The following BRWD3 variants were observed in gnomAD, a reference collection of about 807,000 sequenced individuals.
BRWD3 encodes the protein bromodomain and WD repeat-containing protein 3.
A neutral mutation model predicts 149.7 loss-of-function variants in BRWD3; 10 were observed. That is an observed-to-expected ratio of 0.07 (90% CI 0.04 to 0.11). The LOEUF (loss-of-function observed/expected upper bound fraction) is 0.11. BRWD3 is among the 10% of genes least tolerant of loss of function. The pLI is 1.00. For missense variants in BRWD3, 940 were observed against 1,373.2 expected (o/e 0.68, Z 4.99); for synonymous variants, 504 against 456.7 (o/e 1.10, Z -1.32).
intron 18 of BRWD3, 60 bp from the exon 19 acceptor site, chrX:80,717,819 A>G (rs1428663614): frequency 1.1e-5 from 11 of 1,023,020 alleles, no homozygotes; most frequent in Non-Finnish European, 1.4e-6. Context: ...GTTTTCCAGA[A>G]CAGAGCTCTA....
intron 5 of BRWD3, among the ~76,000 whole-genome samples, chrX:80,793,385 T>C (rs1185990706): frequency 1.0e-4 from 11 of 110,399 alleles, no homozygotes; most frequent in African/African-American, 3.6e-4. Flanking sequence ...TTGAGATCTC[T>C]ATTCCATGAT....
At position 80,722,833 on chromosome X, in the gene BRWD3, A is replaced by T. The variant is rs148170741; in HGVS notation, c.1651-46T>A. 3.2e-3 allele frequency: 3,342 copies of T among 1,050,246 alleles called. 67 individuals carry two copies. In the East Asian group the frequency reaches 0.056, roughly 18 times the overall value. 86.6% of individuals were successfully genotyped at this position (1,050,246 alleles called of 1,213,427 possible). ...GGGTTAACATACACAGGGAATTTATAAGTAAATACTTGTTTTCATTCCTTG... is the reference window on the plus strand; with the variant it reads ...GGGTTAACATACACAGGGAATTTATTAGTAAATACTTGTTTTCATTCCTTG... On this transcript the variant is annotated intron_variant, in intron 16 of 40. Coordinates refer to ENST00000373275, the MANE Select transcript of BRWD3 (RefSeq NM_153252.5).
Position 80,726,168 on chromosome X carries a change from TTA to T in BRWD3, c.1387-1103_1387-1102del, listed in dbSNP as rs1404010183. 4.4e-3 allele frequency among the ~76,000 whole-genome samples: 466 copies of T among 106,502 alleles called. 3 individuals carry two copies. The highest frequency in any genetic ancestry group is 0.015 in the African/African-American group (444 of 29,915). The allele number at this position is 106,502 out of a possible 115,157, so 92.5% of individuals were successfully genotyped here. ...GTATAACATATAACACGTTTACATG[TTA>T]TATGTCTGTATAACATATAACACGT... On this transcript the variant is annotated intron_variant, in intron 14 of 40. Coordinates refer to ENST00000373275, the MANE Select transcript of BRWD3 (RefSeq NM_153252.5).
intron 4 of BRWD3, among the ~76,000 whole-genome samples, chrX:80,805,085 A>T (rs1029331960): frequency 1.8e-5 from 2 of 111,931 alleles, no homozygotes; most frequent in African/African-American, 6.5e-5. Flanking sequence ...CAGCTTTAAT[A>T]AAAAAGCACC....
intron 20 of BRWD3, among the ~76,000 whole-genome samples, chrX:80,711,859 G>A (rs973676689): frequency 9.0e-5 from 10 of 111,609 alleles, no homozygotes; most frequent in Non-Finnish European, 1.9e-4. Context: ...TACATGTACT[G>A]ATTGATGTCT....
chrX:80,749,026 T>C (rs1050530601), intron 6 of BRWD3, among the ~76,000 whole-genome samples: 1 of 111,818 alleles, frequency 8.9e-6, no homozygotes, highest in Non-Finnish European at 1.9e-5. Context: ...TTACTCCTGT[T>C]ATTTTTAGTC....
At chrX:80,743,295 T>C (rs2073544220) in intron 8 of BRWD3, among the ~76,000 whole-genome samples, 1 of 111,938 alleles carries the variant, frequency 8.9e-6, no homozygotes, top group African/African-American at 3.2e-5. Flanking sequence ...GGATTTGGTT[T>C]GCCAGTATTT....
chrX:80,706,110 A>AT (rs1206812413), intron 22 of BRWD3, among the ~76,000 whole-genome samples: 38 of 105,941 alleles, frequency 3.6e-4, no homozygotes, highest in Non-Finnish European at 5.5e-4. Context: ...GTACAGCCGT[A>AT]TTTTTTTTTT....
At chrX:80,780,974 C>T (rs936433680) in intron 6 of BRWD3, among the ~76,000 whole-genome samples, 3 of 111,700 alleles carry the variant, frequency 2.7e-5, no homozygotes, top group South Asian at 3.7e-4. Flanking sequence ...TGACATATAA[C>T]GACACAATGG....
chrX:80,722,465 C>T, intron 17 of BRWD3, 97 bp downstream of exon 17: 3 of 800,834 alleles, frequency 3.7e-6, no homozygotes, highest in Non-Finnish European at 5.6e-6. Context: ...TTATAACCTA[C>T]TCCAGAGTTT....
chrX:80,670,583 T>TA lies in BRWD3; in HGVS notation c.*6025dup, dbSNP rs201004001. ...GCACACACAACCATGCCCAGCTAAT[T>TA]AAAAAAAAAATTGTTTTGTAGATAC... On this transcript the variant is annotated 3_prime_UTR_variant, in exon 41 of 41. Coordinates refer to ENST00000373275, the MANE Select transcript of BRWD3 (RefSeq NM_153252.5). Among the ~76,000 whole-genome samples the TA allele has an allele frequency of 0.017, 1,851 of 107,242 alleles. 21 individuals are homozygous for TA. The highest frequency in any genetic ancestry group is 0.028 in the Non-Finnish European group (1,426 of 51,688). 93.1% of individuals were successfully genotyped at this position (107,242 alleles called of 115,157 possible).
intron 4 of BRWD3, among the ~76,000 whole-genome samples, chrX:80,802,469 T>A (rs868027527): frequency 0.029 from 2,638 of 89,872 alleles, 62 homozygotes; most frequent in African/African-American, 0.081. Flanking sequence ...AAAAAAAAAA[T>A]TAAAAATTAA....
Position 80,745,670 on chromosome X carries a change from A to T in BRWD3, c.490T>A (p.Ser164Thr). 8.3e-7 allele frequency: 1 copy of T among 1,209,458 alleles called. No homozygotes were observed. Among genetic ancestry groups the T allele is most frequent in the South Asian group, 1.8e-5 (1 of 56,686 alleles). ...GCSRFGHIFPSSAYQHIKMHK... is the reference protein window; with the variant it reads ...GCSRFGHIFPTSAYQHIKMHK... ...ATCTTAATGTGCTGGTAAGCAGATG[A>T]AGGGAAAATATGACCAAAGCGACTA... is the stretch of plus-strand genomic sequence containing the variant. Residue 164 changes from serine (S) to threonine (T), a missense_variant, in exon 7 of 41, where the codon TCA becomes ACA. Coordinates refer to ENST00000373275, the MANE Select transcript of BRWD3 (RefSeq NM_153252.5).
chrX:80,721,798 T>A (rs1430618394), intron 17 of BRWD3, among the ~76,000 whole-genome samples: 1 of 111,866 alleles, frequency 8.9e-6, no homozygotes, highest in Non-Finnish European at 1.9e-5. Flanking sequence ...ACTCTTTGCA[T>A]TTCAAACACG....
In BRWD3 at chrX:80,735,261, C is replaced by T. The variant is rs764237646; in HGVS notation, c.915-64G>A. The T allele has an allele frequency of 7.6e-4, 656 of 862,423 alleles. 2 individuals carry two copies. The highest frequency in any genetic ancestry group is 8.1e-4 in the Non-Finnish European group (471 of 580,118). 71.1% of individuals were successfully genotyped at this position (862,423 alleles called of 1,213,427 possible). ...TTTGGCTAATGGGCCAGAATGTTAG[C>T]GCACTACTGGATACTGATCAATTTA... On this transcript the variant is annotated intron_variant, in intron 9 of 40. Transcript: ENST00000373275.
At chrX:80,706,766 G>C (rs2072872720) in intron 22 of BRWD3, among the ~76,000 whole-genome samples, 1 of 112,923 alleles carries the variant, frequency 8.9e-6, no homozygotes, top group South Asian at 3.6e-4. Flanking sequence ...AAACTGGTGT[G>C]CACCTGTACA....
intron 4 of BRWD3, among the ~76,000 whole-genome samples, chrX:80,802,451 A>AT (rs1453179987): frequency 9.4e-6 from 1 of 106,082 alleles, no homozygotes; most frequent in African/African-American, 3.5e-5. Flanking sequence ...TTAAAAAAAA[A>AT]AAAAAAAAAA....
At chrX:80,791,746 G>T in intron 6 of BRWD3, 108 bp downstream of exon 6, 2 of 572,712 alleles carry the variant, frequency 3.5e-6, no homozygotes, top group South Asian at 5.5e-5. Flanking sequence ...AATGTAAACA[G>T]TTTGTTTATG....
rs1457743131 is a variant in BRWD3 at position 80,802,968 on chromosome X, A to G, written c.180+5571T>C. On this transcript the variant is annotated intron_variant, in intron 4 of 40. Coordinates refer to ENST00000373275, the MANE Select transcript of BRWD3 (RefSeq NM_153252.5). ...AAAATACAAAAAATTAGCCGGGCGTAGCGGGCGCCTGTAGTCCCAGCTACT... is the reference window on the plus strand; with the variant it reads ...AAAATACAAAAAATTAGCCGGGCGTGGCGGGCGCCTGTAGTCCCAGCTACT... Among the ~76,000 whole-genome samples, 5 of 109,967 alleles carry G rather than the reference A, an allele frequency of 4.5e-5. No homozygotes were observed. The East Asian group carries it at 1.4e-3, about 32-fold the overall frequency.
Sources: allele counts gnomAD v4.1 joint callset (sites outside exome capture counted in the v4.1 genomes callset), GRCh38; gene constraint gnomAD v4.1.1; transcripts MANE v1.5; gene names NCBI Gene and HGNC (gene_info 2026-07-23, HGNC 2026-07-21).